The following SOCS7 variants were observed in gnomAD, a reference collection of about 807,000 sequenced individuals.
The protein encoded by SOCS7 is NAP-4.
In SOCS7, 18 loss-of-function variants were observed where a neutral mutation model predicts 58.9. The observed-to-expected ratio is 0.31, with a 90% confidence interval of 0.21 to 0.45. SOCS7 has a LOEUF of 0.45. SOCS7 is among the 20% of genes least tolerant of loss of function. The pLI is 1.00. For missense variants in SOCS7, 667 were observed against 837.3 expected (o/e 0.80, Z 2.51); for synonymous variants, 388 against 364.3 (o/e 1.06, Z -0.74).
chr17:38,357,732 A>G (rs114933818), intron 1 of SOCS7, among the ~76,000 whole-genome samples: 3 of 152,364 alleles, frequency 2.0e-5, no homozygotes, highest in Non-Finnish European at 2.9e-5. Flanking sequence ...GGGCAGAGGT[A>G]CATTGGAGCC....
chr17:38,387,445 A>C (rs2144382832), intron 7 of SOCS7, among the ~76,000 whole-genome samples: 1 of 145,074 alleles, frequency 6.9e-6, no homozygotes, highest in South Asian at 2.1e-4. Context: ...ACTCTGTCTC[A>C]AAAAAATATA....
chr17:38,403,732 C>T lies in SOCS7; in HGVS notation c.*4250C>T, dbSNP rs2038353575. 1 of 152,092 alleles carries T rather than the reference C, an allele frequency of 6.6e-6. No homozygotes were observed. Among genetic ancestry groups the T allele is most frequent in the South Asian group, 2.1e-4 (1 of 4,826 alleles). The allele number at this position is 152,092 out of a possible 1,614,324, so 9.4% of individuals were successfully genotyped here. A position where few individuals can be genotyped will look rare whatever the true frequency, so the allele number is the denominator to read the frequency against. On this transcript the variant is annotated 3_prime_UTR_variant, in exon 10 of 10. Coordinates refer to ENST00000612932, the MANE Select transcript of SOCS7 (RefSeq NM_014598.4). ...CACTGTTAAGAGAATGACACACCCC[C>T]TGTCATGTAAGGGAGGAGCTATTGA...
chr17:38,389,194 T>A (rs2038118699), intron 7 of SOCS7, among the ~76,000 whole-genome samples: 1 of 152,258 alleles, frequency 6.6e-6, no homozygotes, highest in South Asian at 2.1e-4. Flanking sequence ...TTTCATCTGC[T>A]TATTGGCTAT....
In SOCS7 at chr17:38,352,440, G is replaced by C. The variant is rs1242194332; in HGVS notation, c.388G>C (p.Gly130Arg). ...GGCGCAGTTGGCGGCTCTGGGGCTC[G>C]GGCAGCCGGCGGGGCCGGGGGTCAA... ...LEAQLAALGL[G>R]QPAGPGVKTV... The change falls in exon 1 of 10, where the codon GGG becomes CGG. Residue 130 changes from glycine to arginine, a missense_variant. Gly to Arg is a moderately radical substitution (Grantham distance 125). This residue lies in a region of SOCS7 where 154 missense variants were observed against 156.3 expected (regional missense o/e 0.98). Transcript: ENST00000612932. This position sits in a 1 kb window ranked among gnomAD's most constrained non-coding sequence, Gnocchi z 5.5. 5 of 1,457,508 alleles carry C rather than the reference G, an allele frequency of 3.4e-6. No individual in the cohort carries two copies. The South Asian group carries it at 7.1e-5, about 21-fold the overall frequency. 90.3% of individuals were successfully genotyped at this position (1,457,508 alleles called of 1,614,324 possible). A position where few individuals can be genotyped will look rare whatever the true frequency, so the allele number is the denominator to read the frequency against.
rs891634249 is a variant in SOCS7, at chr17:38,400,790, G to A, written c.*1308G>A. ...GCCTGTCCCTGCTTTCAGGAGGAGC[G>A]GGGAGAAAAACTCCAATGGTCTTTA... On this transcript the variant is annotated 3_prime_UTR_variant, in exon 10 of 10. Coordinates refer to ENST00000612932, the MANE Select transcript of SOCS7 (RefSeq NM_014598.4). 2.0e-5 allele frequency: 3 copies of A among 152,182 alleles called. No homozygotes were observed. The highest frequency in any genetic ancestry group is 2.1e-4 in the South Asian group (1 of 4,828). The allele number at this position is 152,182 out of a possible 1,614,324, so 9.4% of individuals were successfully genotyped here.
rs527249774 is a variant in SOCS7, at chr17:38,405,482, C to T, written c.*6000C>T. On this transcript the variant is annotated 3_prime_UTR_variant, in exon 10 of 10. Coordinates refer to ENST00000612932, the MANE Select transcript of SOCS7 (RefSeq NM_014598.4). Reference sequence around the variant, plus strand: ...TCCCAGTTTTTTGTAAGTGTCAGTGCGAGAGACATTTGACTCTTGTGTTTG... The same window carrying T: ...TCCCAGTTTTTTGTAAGTGTCAGTGTGAGAGACATTTGACTCTTGTGTTTG... 12 of 152,196 alleles carry T rather than the reference C, an allele frequency of 7.9e-5. No individual in the cohort carries two copies. The highest frequency in any genetic ancestry group is 4.1e-4 in the South Asian group (2 of 4,822). 9.4% of individuals were successfully genotyped at this position (152,196 alleles called of 1,614,324 possible). A position where few individuals can be genotyped will look rare whatever the true frequency, so the allele number is the denominator to read the frequency against.
chr17:38,371,151 G>C (rs2037858681), intron 6 of SOCS7, among the ~76,000 whole-genome samples: 1 of 152,054 alleles, frequency 6.6e-6, no homozygotes, highest in Admixed American at 6.6e-5. Flanking sequence ...GTCTGGCTCT[G>C]TGCCCAGGTT....
chr17:38,366,190 C>T, intron 4 of SOCS7, 97 bp from the exon 5 acceptor site: 1 of 1,510,126 alleles, frequency 6.6e-7, no homozygotes, highest in East Asian at 2.4e-5. Context: ...TAATGCCTTG[C>T]CCTCTTCAGT....
Position 38,377,699 on chromosome 17 carries a change from A to T in SOCS7, c.1553-15A>T. ...GTAAGTTTTAAAATTTTTACTTCTT[A>T]ATTTTCCATGGCAGGAACCTTCAGC... On this transcript the variant is annotated splice_polypyrimidine_tract_variant and intron_variant, in intron 6 of 9. Transcript: ENST00000612932. 1 of 1,592,494 alleles carries T rather than the reference A, an allele frequency of 6.3e-7. No individual in the cohort carries two copies. The highest frequency in any genetic ancestry group is 8.5e-7 in the Non-Finnish European group (1 of 1,173,640).
chr17:38,387,457 A>G (rs928109432), intron 7 of SOCS7, among the ~76,000 whole-genome samples: 34 of 144,420 alleles, frequency 2.4e-4, no homozygotes, highest in African/African-American at 7.7e-4. Flanking sequence ...AAAAATATAT[A>G]CATATATACA....
chr17:38,385,832 A>G (rs1438959461), intron 7 of SOCS7, among the ~76,000 whole-genome samples: 3 of 152,102 alleles, frequency 2.0e-5, no homozygotes, highest in African/African-American at 7.2e-5. Flanking sequence ...GGAGTTTAGC[A>G]TGTTGTCCTG....
chr17:38,387,100 A>ATATAT (rs1437758226), intron 7 of SOCS7, among the ~76,000 whole-genome samples: 20 of 82,968 alleles, frequency 2.4e-4, no homozygotes, highest in African/African-American at 5.6e-4. Context: ...AAAAAAAAAA[A>ATATAT]AAATATATAT....
intron 1 of SOCS7, among the ~76,000 whole-genome samples, chr17:38,358,291 G>A (rs2037667244): frequency 6.6e-6 from 1 of 152,142 alleles, no homozygotes; most frequent in Admixed American, 6.5e-5. Context: ...AGTATAGAGG[G>A]TTAGTTTAAA....
intron 1 of SOCS7, among the ~76,000 whole-genome samples, chr17:38,361,165 G>A (rs1555567513): frequency 1.3e-5 from 2 of 152,258 alleles, no homozygotes; most frequent in Admixed American, 6.5e-5. Context: ...AGTAGCTGAT[G>A]GCTTTGACCC....
At chr17:38,387,133 G>GTGTATATATATATATATATATATATATA (rs1269515665) in intron 7 of SOCS7, among the ~76,000 whole-genome samples, 6 of 73,470 alleles carry the variant, frequency 8.2e-5, no homozygotes, top group African/African-American at 4.2e-4. Flanking sequence ...ATATATGTAT[G>GTGTATATATATATATATATATATATATA]TATATATATA....
intron 6 of SOCS7, among the ~76,000 whole-genome samples, chr17:38,370,471 G>A (rs1425329838): frequency 2.0e-5 from 3 of 151,860 alleles, no homozygotes; most frequent in African/African-American, 7.3e-5. Flanking sequence ...TTGCTAGTAG[G>A]TGGGACTAGT....
intron 4 of SOCS7, 145 bp downstream of exon 4, chr17:38,365,554 C>T: frequency 2.0e-6 from 1 of 508,514 alleles, no homozygotes; most frequent in Non-Finnish European, 3.3e-6. Flanking sequence ...GACCAGACTC[C>T]TTAGAAATGA....
intron 6 of SOCS7, among the ~76,000 whole-genome samples, chr17:38,373,068 T>G (rs1207295394): frequency 1.3e-5 from 2 of 150,944 alleles, no homozygotes; most frequent in African/African-American, 4.9e-5. Context: ...ATCGTGCCAT[T>G]GCACTCCAGC....
intron 1 of SOCS7, among the ~76,000 whole-genome samples, chr17:38,353,866 C>T (rs2037596355): frequency 1.3e-5 from 2 of 152,188 alleles, no homozygotes; most frequent in Admixed American, 1.3e-4. Flanking sequence ...GCGGAGGTTG[C>T]AGTGAATAGT....
Sources: gnomAD v4.1 joint callset for allele counts (sites outside exome capture counted in the v4.1 genomes callset) on GRCh38, gnomAD v4.1.1 for gene constraint, gnomAD v4.1.1 regional missense constraint, Gnocchi (gnomAD v3.1) non-coding constraint, MANE v1.5 for transcripts, NCBI Gene and HGNC (gene_info 2026-07-23, HGNC 2026-07-21) for gene names.